The following PPP2R3B variants were observed in gnomAD, a reference collection of about 807,000 sequenced individuals.
PPP2R3B encodes protein phosphatase 2 regulatory subunit B''beta.
PPP2R3B carries 68 observed loss-of-function variants against 72.9 expected under a neutral mutation model. The ratio of observed to expected loss-of-function variants is 0.93; its 90% confidence interval spans 0.77 to 1.14. The LOEUF (loss-of-function observed/expected upper bound fraction) is 1.14. Among genes scored for constraint, PPP2R3B ranks in the 50% most tolerant of loss-of-function variants. The probability of loss-of-function intolerance (pLI) is 0.00; values close to 1 mark genes in which losing one functional copy is unlikely to be tolerated. For synonymous variants in PPP2R3B, 466 were observed against 375.8 expected, an observed-to-expected ratio of 1.24 and a Z score of -2.78; for missense variants, 1,018 against 842.0, an observed-to-expected ratio of 1.21 and a Z score of -2.59.
chrX:381,998 A>C, intron 1 of PPP2R3B, among the ~76,000 whole-genome samples: 1 of 152,090 alleles, frequency 6.6e-6, no homozygotes, highest in East Asian at 1.9e-4. Flanking sequence ...ACACGTAGAC[A>C]TGTTTAAGGT....
chrX:354,250 G>A (rs968678757), intron 2 of PPP2R3B, among the ~76,000 whole-genome samples: 2 of 150,564 alleles, frequency 1.3e-5, no homozygotes, highest in Admixed American at 6.6e-5. Context: ...CAAACACTGG[G>A]GGCTCACCCA....
chrX:345,252 G>C (rs1195986951), intron 7 of PPP2R3B: 1 of 680,798 alleles, frequency 1.5e-6, no homozygotes, highest in East Asian at 2.8e-5. Context: ...CGGGCCAGGA[G>C]CTTCAGGACC....
At chrX:383,161 G>T (rs928217758) in intron 1 of PPP2R3B, among the ~76,000 whole-genome samples, 1 of 152,138 alleles carries the variant, frequency 6.6e-6, no homozygotes, top group Non-Finnish European at 1.5e-5. Flanking sequence ...TCATCGACAC[G>T]TACTTTTGGA....
Position 347,663 on chromosome X carries a change from G to A in PPP2R3B, c.541C>T (p.Pro181Ser). 1 of 1,558,868 alleles carries A rather than the reference G, an allele frequency of 6.4e-7. No homozygotes were observed. Among genetic ancestry groups the A allele is most frequent in the Non-Finnish European group, 8.7e-7 (1 of 1,153,350 alleles). The change falls in exon 3 of 13, where the codon CCG becomes TCG. Residue 181 changes from proline to serine, a missense_variant. Pro to Ser is a moderately conservative substitution (Grantham distance 74). Coordinates refer to ENST00000390665, the MANE Select transcript of PPP2R3B (RefSeq NM_013239.5). ...TCCCCGCCGGCGCCATAGAAGAGCG[G>A]CCCCTTCCAGTAGAGGGGGCAGCCG... ...ACGCPLYWKG[P>S]LFYGAGGERT...
Position 346,157 on chromosome X carries a change from AGG to A in PPP2R3B, c.879+15_879+16del. 1 of 1,392,222 alleles carries A rather than the reference AGG, an allele frequency of 7.2e-7. No homozygotes were observed. 86.2% of individuals were successfully genotyped at this position (1,392,222 alleles called of 1,614,324 possible). On this transcript the variant is annotated intron_variant, in intron 6 of 12. Transcript: ENST00000390665. ...AGGGACAAGGCAGGGGGCAGGGGAC[AGG>A]GGGCCGCTCCGCACCTGCAGGAAGG...
intron 1 of PPP2R3B, 106 bp from the exon 2 acceptor site, chrX:361,696 C>A: frequency 2.3e-6 from 3 of 1,320,764 alleles, no homozygotes; most frequent in Non-Finnish European, 3.2e-6. Flanking sequence ...GCTGAGGCCA[C>A]CTGATCCCAG....
intron 2 of PPP2R3B, among the ~76,000 whole-genome samples, chrX:354,682 C>A (rs2071404446): frequency 6.6e-6 from 1 of 152,154 alleles, no homozygotes; most frequent in African/African-American, 2.4e-5. Context: ...AGAACCCTGT[C>A]TCTACCAAAA....
At chrX:346,431 G>A (rs1228996276) in intron 5 of PPP2R3B, 171 bp from the exon 6 acceptor site, 3 of 675,668 alleles carry the variant, frequency 4.4e-6, no homozygotes, top group Non-Finnish European at 7.2e-6. Flanking sequence ...GCCCCAGGCC[G>A]CGGAAAGCGG....
chrX:334,679 A>C, intron 12 of PPP2R3B, 162 bp from the exon 13 acceptor site: 1 of 842,852 alleles, frequency 1.2e-6, no homozygotes, highest in Non-Finnish European at 1.7e-6. Context: ...CTCCTGGCTG[A>C]GGACGCCGGC....
chrX:364,824 A>C (rs369667975), intron 1 of PPP2R3B, among the ~76,000 whole-genome samples: 1 of 42,328 alleles, frequency 2.4e-5, no homozygotes, highest in Admixed American at 2.5e-4. Context: ...CGGAGGTTGC[A>C]GTGAGCTGAG....
intron 7 of PPP2R3B, 123 bp from the exon 8 acceptor site, chrX:342,054 G>C: frequency 7.8e-7 from 1 of 1,290,140 alleles, no homozygotes; most frequent in Non-Finnish European, 1.1e-6. Flanking sequence ...GGGTCTGGGA[G>C]AGCCCCGGGG....
chrX:381,635 G>A, intron 1 of PPP2R3B, among the ~76,000 whole-genome samples: 1 of 115,460 alleles, frequency 8.7e-6, no homozygotes, highest in East Asian at 2.5e-4. Context: ...GTCTTGCTCT[G>A]TCACCCAGGC....
chrX:339,055 T>G (rs772033284), intron 10 of PPP2R3B, among the ~76,000 whole-genome samples, 159 bp from the exon 11 acceptor site: 63 of 152,140 alleles, frequency 4.1e-4, no homozygotes, highest in African/African-American at 1.4e-3. Flanking sequence ...CACGCGAGTG[T>G]CCTGGTTCTG....
intron 2 of PPP2R3B, among the ~76,000 whole-genome samples, chrX:356,414 TCATGTTGGC>T (rs1262134276): frequency 1.6e-4 from 24 of 152,176 alleles, no homozygotes; most frequent in African/African-American, 5.8e-4. Flanking sequence ...TGTGGTTTCA[TCATGTTGGC>T]CAGGCTGGCC....
Position 334,237 on chromosome X carries a change from C to A in PPP2R3B, c.*130G>T. The A allele has an allele frequency of 1.8e-6, 2 of 1,140,984 alleles. No individual in the cohort carries two copies. The allele number at this position is 1,140,984 out of a possible 1,614,324, so 70.7% of individuals were successfully genotyped here. A position where few individuals can be genotyped will look rare whatever the true frequency, so the allele number is the denominator to read the frequency against. On this transcript the variant is annotated 3_prime_UTR_variant, in exon 13 of 13. Coordinates refer to ENST00000390665, the MANE Select transcript of PPP2R3B (RefSeq NM_013239.5). ...ACCCACAGCGGCAATCAACACGCTT[C>A]TGTGAATAAATAAAAGTTTATCATT...
At position 334,315 on chromosome X, in the gene PPP2R3B, C is replaced by CCGGTGGTGGCA. The variant is rs1222053039; in HGVS notation, c.*41_*51dup. Reference sequence around the variant, plus strand: ...CAGTTTTTACACGAGCCGCGGTGGCCCGGTGGTGGCACGTGGGGAGCGGCC... The same window carrying CCGGTGGTGGCA: ...CAGTTTTTACACGAGCCGCGGTGGCCCGGTGGTGGCACGGTGGTGGCACGTGGGGAGCGGCC... On this transcript the variant is annotated 3_prime_UTR_variant, in exon 13 of 13. Coordinates refer to ENST00000390665, the MANE Select transcript of PPP2R3B (RefSeq NM_013239.5). 7.0e-7 allele frequency: 1 copy of CCGGTGGTGGCA among 1,431,668 alleles called. No individual in the cohort carries two copies. The highest frequency in any genetic ancestry group is 1.5e-5 in the African/African-American group (1 of 66,268). The allele number at this position is 1,431,668 out of a possible 1,614,324, so 88.7% of individuals were successfully genotyped here.
At chrX:344,394 C>A (rs1266457847) in intron 7 of PPP2R3B, among the ~76,000 whole-genome samples, 2 of 152,240 alleles carry the variant, frequency 1.3e-5, no homozygotes, top group South Asian at 2.1e-4. Context: ...GAGAAGGTCC[C>A]GCAGCCTGGG....
rs746181210 is a variant in PPP2R3B, at chrX:347,566, C to T, written c.614+24G>A. 2.2e-5 allele frequency: 35 copies of T among 1,555,878 alleles called. No individual in the cohort carries two copies. The Admixed American group carries it at 6.5e-4, about 29-fold the overall frequency. On this transcript the variant is annotated intron_variant, in intron 3 of 12. Transcript: ENST00000390665. ...GGACGCCTCCGCCCTCCCGACACAG[C>T]CCCCTGCCCAGCCCAGGACTCACTT... is the stretch of plus-strand genomic sequence containing the variant.
intron 2 of PPP2R3B, among the ~76,000 whole-genome samples, chrX:353,819 A>C (rs2071378621): frequency 7.1e-6 from 1 of 141,220 alleles, no homozygotes; most frequent in Admixed American, 7.3e-5. Context: ...CCCAAGGAGC[A>C]GGGGCTCGCC....
Sources: allele counts gnomAD v4.1 joint callset (sites outside exome capture counted in the v4.1 genomes callset), GRCh38; gene constraint gnomAD v4.1.1; transcripts MANE v1.5; gene names NCBI Gene and HGNC (gene_info 2026-07-23, HGNC 2026-07-21).